Variants in TCF12 observed in about 807,000 individuals in gnomAD.
TCF12 encodes transcription factor 12.
TCF12 carries 45 observed loss-of-function variants against 86.0 expected under a neutral mutation model. The observed-to-expected ratio is 0.52, with a 90% CI of 0.41 to 0.67. TCF12 has a LOEUF of 0.67. TCF12 is among the 30% of genes least tolerant of loss of function. The pLI is 0.00. For synonymous variants in TCF12, 330 were observed against 299.6 expected, an observed-to-expected ratio of 1.10 and a Z score of -1.05; for missense variants, 881 against 859.9, an observed-to-expected ratio of 1.02 and a Z score of -0.31.
chr15:56,923,507 G>C, intron 3 of TCF12, among the ~76,000 whole-genome samples: 1 of 152,136 alleles, frequency 6.6e-6, no homozygotes, highest in East Asian at 1.9e-4. Context: ...TAGGCTCTGT[G>C]AAGTGTTCCT....
chr15:57,092,236 T>C (rs1004738772), intron 5 of TCF12, among the ~76,000 whole-genome samples: 14 of 152,216 alleles, frequency 9.2e-5, no homozygotes, highest in African/African-American at 3.4e-4. Context: ...TTAACAGTTG[T>C]ATTATGTTGT....
intron 3 of TCF12, among the ~76,000 whole-genome samples, chr15:57,030,549 A>G (rs1199021633): frequency 6.6e-6 from 1 of 152,160 alleles, no homozygotes; most frequent in African/African-American, 2.4e-5. Flanking sequence ...TTTTTAATAA[A>G]TATTTGTTTC....
At chr15:56,961,268 C>G (rs1394157889) in intron 3 of TCF12, among the ~76,000 whole-genome samples, 1 of 152,042 alleles carries the variant, frequency 6.6e-6, no homozygotes, top group Non-Finnish European at 1.5e-5. Context: ...TGAGAGAAAA[C>G]TTGTATGCTG....
intron 3 of TCF12, among the ~76,000 whole-genome samples, chr15:57,023,644 T>C (rs1165145261): frequency 6.6e-6 from 1 of 152,142 alleles, no homozygotes; most frequent in African/African-American, 2.4e-5. Flanking sequence ...TTGGAAAGAC[T>C]CAAACACAGG....
At chr15:57,164,897 T>C (rs2054761979) in intron 5 of TCF12, among the ~76,000 whole-genome samples, 1 of 152,156 alleles carries the variant, frequency 6.6e-6, no homozygotes, top group African/African-American at 2.4e-5. Context: ...GCCACGCTGG[T>C]CTTGAACTCC....
chr15:57,158,316 C>T (rs1181626460), intron 5 of TCF12, among the ~76,000 whole-genome samples: 1 of 151,340 alleles, frequency 6.6e-6, no homozygotes, highest in East Asian at 2.0e-4. Flanking sequence ...GTAGCTGGGA[C>T]TACAGGTGTG....
At chr15:57,120,557 GTC>G (rs1374292033) in intron 5 of TCF12, among the ~76,000 whole-genome samples, 2 of 152,270 alleles carry the variant, frequency 1.3e-5, no homozygotes, top group South Asian at 4.1e-4. Context: ...ATGCATATCT[GTC>G]TCTCCTGTTA....
chr15:57,216,763 A>G (rs1261298612), intron 8 of TCF12, among the ~76,000 whole-genome samples: 1 of 152,092 alleles, frequency 6.6e-6, no homozygotes, highest in African/African-American at 2.4e-5. Context: ...ATAATTTATA[A>G]TGGCAATCAA....
intron 3 of TCF12, among the ~76,000 whole-genome samples, chr15:56,932,060 A>G (rs1950235355): frequency 1.3e-5 from 2 of 152,206 alleles, no homozygotes; most frequent in South Asian, 2.1e-4. Context: ...GCTTAGGAAC[A>G]GTGCCTGTAG....
At chr15:56,974,068 C>G (rs1169344714) in intron 3 of TCF12, among the ~76,000 whole-genome samples, 1 of 152,016 alleles carries the variant, frequency 6.6e-6, no homozygotes, top group Non-Finnish European at 1.5e-5. Context: ...CTTTTCTTTT[C>G]CTGTGAAGGA....
chr15:57,070,189 G>C (rs1284924404), intron 4 of TCF12, among the ~76,000 whole-genome samples: 3 of 151,228 alleles, frequency 2.0e-5, no homozygotes, highest in Non-Finnish European at 4.4e-5. Flanking sequence ...ATGATATCCG[G>C]GATTTTTTTT....
At chr15:57,091,060 AT>A (rs1329769805) in intron 4 of TCF12, among the ~76,000 whole-genome samples, 9 of 152,330 alleles carry the variant, frequency 5.9e-5, no homozygotes, top group African/African-American at 2.2e-4. Context: ...GAAAAGTAAC[AT>A]TAGCTTTATT....
chr15:57,233,496 C>T (rs886245853), intron 11 of TCF12, among the ~76,000 whole-genome samples: 1 of 151,782 alleles, frequency 6.6e-6, no homozygotes, highest in South Asian at 2.1e-4. Context: ...TATTTTTATT[C>T]ATTTATGTAT....
At chr15:56,961,102 G>A (rs1488254874) in intron 3 of TCF12, among the ~76,000 whole-genome samples, 1 of 141,376 alleles carries the variant, frequency 7.1e-6, no homozygotes, top group Non-Finnish European at 1.5e-5. Context: ...ATCCCACCTG[G>A]GCAACAAGAG....
At chr15:57,152,016 CAG>C (rs1285649182) in intron 5 of TCF12, among the ~76,000 whole-genome samples, 6 of 152,130 alleles carry the variant, frequency 3.9e-5, no homozygotes, top group African/African-American at 1.4e-4. Context: ...GAAATACTAA[CAG>C]AAAAGTTTTA....
intron 20 of TCF12, among the ~76,000 whole-genome samples, chr15:57,284,017 C>T (rs529915035): frequency 6.6e-6 from 1 of 152,248 alleles, no homozygotes; most frequent in Admixed American, 6.5e-5. Flanking sequence ...AAAAAGTATC[C>T]AGCAATCTAA....
At chr15:56,992,177 G>A (rs1420891731) in intron 3 of TCF12, among the ~76,000 whole-genome samples, 2 of 152,114 alleles carry the variant, frequency 1.3e-5, no homozygotes, top group African/African-American at 4.8e-5. Context: ...AGGCTGAGGT[G>A]GGAGGATGAT....
rs35470542 is a variant in TCF12, at chr15:56,996,863, T to C, written c.149-66887T>C. On this transcript the variant is annotated intron_variant, in intron 3 of 20. Transcript: ENST00000333725. ...AAGACATACAAGTAGCCAACAAACA[T>C]ATTAAAAAATGCTCATAATCACTAA... Among the ~76,000 whole-genome samples, 483 of 152,226 alleles carry C rather than the reference T, an allele frequency of 3.2e-3. 10 individuals carry two copies. The highest frequency in any genetic ancestry group is 0.026 in the Admixed American group (403 of 15,284).
chr15:57,120,523 T>C (rs1386172690), intron 5 of TCF12, among the ~76,000 whole-genome samples: 3 of 152,232 alleles, frequency 2.0e-5, no homozygotes, highest in African/African-American at 7.2e-5. Context: ...TGTGTATGTT[T>C]TGGCTTTTGT....
Sources: gnomAD v4.1 joint callset for allele counts (sites outside exome capture counted in the v4.1 genomes callset) on GRCh38, gnomAD v4.1.1 for gene constraint, MANE v1.5 for transcripts, NCBI Gene and HGNC (gene_info 2026-07-23, HGNC 2026-07-21) for gene names.